Variants in PLPPR5 observed in about 807,000 individuals in gnomAD.
PLPPR5 encodes phospholipid phosphatase-related protein type 5.
A neutral mutation model predicts 33.9 loss-of-function variants in PLPPR5; 16 were observed. That is an observed-to-expected ratio of 0.47 (90% CI 0.32 to 0.72). The LOEUF (loss-of-function observed/expected upper bound fraction) is 0.72, where lower values mean the gene tolerates loss of function less well. PLPPR5 is among the 30% of genes least tolerant of loss of function. The probability of loss-of-function intolerance (pLI) is 0.03; values close to 1 mark genes in which losing one functional copy is unlikely to be tolerated. For synonymous variants in PLPPR5, 163 were observed against 150.3 expected, an observed-to-expected ratio of 1.08 and a Z score of -0.62; for missense variants, 301 against 406.7, an observed-to-expected ratio of 0.74 and a Z score of 2.23.
At chr1:98,895,161 G>A (rs998049026) in intron 5 of PLPPR5, among the ~76,000 whole-genome samples, 2 of 152,022 alleles carry the variant, frequency 1.3e-5, no homozygotes, top group Non-Finnish European at 2.9e-5. Context: ...GGCCTAATGG[G>A]AGGTGATTAG....
At chr1:98,971,350 A>T (rs1651651446) in intron 1 of PLPPR5, among the ~76,000 whole-genome samples, 1 of 152,114 alleles carries the variant, frequency 6.6e-6, no homozygotes, top group African/African-American at 2.4e-5. Context: ...ACAGCATAGC[A>T]GAAGCCCATA....
intron 5 of PLPPR5, among the ~76,000 whole-genome samples, chr1:98,896,019 AG>A (rs1469509212): frequency 1.3e-5 from 2 of 151,770 alleles, no homozygotes; most frequent in African/African-American, 4.8e-5. Flanking sequence ...TTATCTCAGT[AG>A]TTTTTTTTTT....
At chr1:98,904,899 C>A (rs1648840415) in intron 5 of PLPPR5, among the ~76,000 whole-genome samples, 1 of 152,102 alleles carries the variant, frequency 6.6e-6, no homozygotes, top group African/African-American at 2.4e-5. Flanking sequence ...GGCTGGGAGC[C>A]CTTTTCTACT....
At chr1:98,894,120 G>A (rs1187665943) in intron 5 of PLPPR5, among the ~76,000 whole-genome samples, 1 of 151,730 alleles carries the variant, frequency 6.6e-6, no homozygotes, top group Non-Finnish European at 1.5e-5. Context: ...TACAATTTGG[G>A]GCATTATCTT....
At chr1:98,908,608 C>A (rs1648995443) in intron 5 of PLPPR5, among the ~76,000 whole-genome samples, 1 of 152,048 alleles carries the variant, frequency 6.6e-6, no homozygotes, top group African/African-American at 2.4e-5. Context: ...GATGGTGTGA[C>A]CCATGAGGAG....
At chr1:98,921,761 A>G (rs1383876793) in intron 4 of PLPPR5, 121 bp downstream of exon 4, 2 of 759,728 alleles carry the variant, frequency 2.6e-6, no homozygotes, top group Non-Finnish European at 4.1e-6. Context: ...ATATACTTAA[A>G]TGAATGATTT....
At chr1:98,950,327 T>C (rs1419575063) in intron 3 of PLPPR5, among the ~76,000 whole-genome samples, 1 of 152,172 alleles carries the variant, frequency 6.6e-6, no homozygotes, top group Admixed American at 6.5e-5. Context: ...ACTAGTAAAG[T>C]ATTAACTAAG....
intron 3 of PLPPR5, among the ~76,000 whole-genome samples, chr1:98,948,512 C>G (rs1210353290): frequency 6.6e-6 from 1 of 152,200 alleles, no homozygotes; most frequent in Non-Finnish European, 1.5e-5. Flanking sequence ...CACCTCCCAT[C>G]TCTAGGTGGA....
intron 1 of PLPPR5, among the ~76,000 whole-genome samples, chr1:98,991,516 G>C (rs1557695867): frequency 6.6e-6 from 1 of 152,126 alleles, no homozygotes; most frequent in Non-Finnish European, 1.5e-5. Context: ...AAGACATCTT[G>C]TGTACAGTCA....
At chr1:98,969,201 C>T (rs1651560157) in intron 1 of PLPPR5, among the ~76,000 whole-genome samples, 1 of 145,754 alleles carries the variant, frequency 6.9e-6, no homozygotes, top group African/African-American at 2.5e-5. Context: ...AAAAGTCTTC[C>T]TTTCTAGAGG....
intron 1 of PLPPR5, among the ~76,000 whole-genome samples, chr1:98,983,222 T>C (rs1447138955): frequency 4.2e-5 from 6 of 141,214 alleles, no homozygotes; most frequent in Non-Finnish European, 9.3e-5. Context: ...TATCTCCCAA[T>C]GCTATCCCTC....
chr1:98,907,456 A>C (rs553845096), intron 5 of PLPPR5, among the ~76,000 whole-genome samples: 1 of 152,226 alleles, frequency 6.6e-6, no homozygotes, highest in East Asian at 1.9e-4. Context: ...GGCCTCCCAA[A>C]GTGCTGGGAT....
intron 2 of PLPPR5, among the ~76,000 whole-genome samples, chr1:98,955,581 A>G (rs538356488): frequency 1.3e-5 from 2 of 152,202 alleles, no homozygotes; most frequent in South Asian, 2.1e-4. Context: ...AGTAAAAATA[A>G]CAATCTTGGA....
Position 98,909,122 on chromosome 1 carries a change from A to G in PLPPR5, c.933+5664T>C, listed in dbSNP as rs146935284. Among the ~76,000 whole-genome samples the G allele has an allele frequency of 1.9e-3, 295 of 152,044 alleles. 1 individual carries two copies. The highest frequency in any genetic ancestry group is 3.3e-3 in the Non-Finnish European group (225 of 67,946). On this transcript the variant is annotated intron_variant, in intron 5 of 5. Coordinates refer to ENST00000263177, the MANE Select transcript of PLPPR5 (RefSeq NM_001037317.2). ...GAAGGGAAGGAGGGACAGAGGGAGG[A>G]AGGAAGGGTCAGGAATGTGGATAAG...
intron 1 of PLPPR5, among the ~76,000 whole-genome samples, chr1:98,988,786 T>C (rs1652348674): frequency 6.6e-6 from 1 of 152,174 alleles, no homozygotes; most frequent in Non-Finnish European, 1.5e-5. Flanking sequence ...TCCTTGCTTA[T>C]GCCTCTATTT....
At chr1:98,942,959 C>T (rs1650429184) in intron 3 of PLPPR5, among the ~76,000 whole-genome samples, 1 of 152,026 alleles carries the variant, frequency 6.6e-6, no homozygotes, top group African/African-American at 2.4e-5. Context: ...TTACAGCATC[C>T]CTGAAGAAAG....
intron 4 of PLPPR5, among the ~76,000 whole-genome samples, chr1:98,916,460 A>G (rs1649355298): frequency 6.6e-6 from 1 of 152,238 alleles, no homozygotes; most frequent in Non-Finnish European, 1.5e-5. Context: ...ACTGTTCTAG[A>G]GATAAGGTAA....
At position 98,906,052 on chromosome 1, in the gene PLPPR5, T is replaced by C. The variant is rs997448534; in HGVS notation, c.933+8734A>G. ...GGTAGGTAAACAACTCTTTCTGTCA[T>C]TGTGGTTGTGTTAGTTTTCACTAGG... On this transcript the variant is annotated intron_variant, in intron 5 of 5. Coordinates refer to ENST00000263177, the MANE Select transcript of PLPPR5 (RefSeq NM_001037317.2). 3.9e-5 allele frequency among the ~76,000 whole-genome samples: 6 copies of C among 151,964 alleles called. 1 individual carries two copies. In the South Asian group the frequency reaches 6.2e-4, roughly 16 times the overall value.
intron 1 of PLPPR5, among the ~76,000 whole-genome samples, chr1:98,964,972 G>GTTTT (rs1347791640): frequency 1.7e-5 from 2 of 116,324 alleles, no homozygotes; most frequent in Non-Finnish European, 3.6e-5. Flanking sequence ...GTTAATTTTT[G>GTTTT]ATTTTTTTTT....
Sources: gnomAD v4.1 joint callset for allele counts (sites outside exome capture counted in the v4.1 genomes callset) on GRCh38, gnomAD v4.1.1 for gene constraint, MANE v1.5 for transcripts, NCBI Gene and HGNC (gene_info 2026-07-23, HGNC 2026-07-21) for gene names.